The following PTPRK variants were observed in gnomAD, a reference collection of about 807,000 sequenced individuals.
The protein encoded by PTPRK is receptor-type tyrosine-protein phosphatase kappa.
A neutral mutation model predicts 178.0 loss-of-function variants in PTPRK; 75 were observed. That is an observed-to-expected ratio of 0.42 (90% CI 0.35 to 0.51). PTPRK has a LOEUF of 0.51. Ranked by LOEUF, PTPRK falls within the 20% of genes least tolerant of loss-of-function variation. The pLI is 0.02. For synonymous variants in PTPRK, 637 were observed against 620.6 expected (o/e 1.03, Z -0.39); for missense variants, 1,441 against 1,797.8 (o/e 0.80, Z 3.59).
chr6:128,313,057 T>G (rs1827473873), intron 3 of PTPRK, among the ~76,000 whole-genome samples: 1 of 152,176 alleles, frequency 6.6e-6, no homozygotes, highest in Non-Finnish European at 1.5e-5. Context: ...CAAGCCAATT[T>G]TCTTTTGACA....
intron 1 of PTPRK, among the ~76,000 whole-genome samples, chr6:128,402,583 T>G (rs1325634545): frequency 2.0e-5 from 3 of 152,166 alleles, no homozygotes; most frequent in African/African-American, 7.2e-5. Context: ...AAGTTCCTAT[T>G]TCCTCTGAAA....
chr6:128,171,428 T>G (rs1800234026), intron 7 of PTPRK, among the ~76,000 whole-genome samples: 1 of 151,996 alleles, frequency 6.6e-6, no homozygotes, highest in Admixed American at 6.6e-5. Flanking sequence ...ACTCTCTTTC[T>G]TACCTTTCAA....
chr6:128,076,007 TG>T (rs1395188665), intron 11 of PTPRK, among the ~76,000 whole-genome samples: 2 of 151,912 alleles, frequency 1.3e-5, no homozygotes, highest in African/African-American at 4.8e-5. Context: ...CTGGTTTATT[TG>T]GGAAGGTGAC....
At chr6:128,189,720 T>C (rs931464551) in intron 6 of PTPRK, among the ~76,000 whole-genome samples, 1 of 152,154 alleles carries the variant, frequency 6.6e-6, no homozygotes, top group Non-Finnish European at 1.5e-5. Context: ...GAAGTCAGTT[T>C]TACTCTGTTT....
intron 7 of PTPRK, among the ~76,000 whole-genome samples, chr6:128,108,606 A>G (rs1790123439): frequency 6.6e-6 from 1 of 152,194 alleles, no homozygotes; most frequent in Non-Finnish European, 1.5e-5. Flanking sequence ...ATGCAAAAAC[A>G]ATATTCTCTT....
At chr6:128,243,519 G>T (rs368214788) in intron 3 of PTPRK, among the ~76,000 whole-genome samples, 12 of 129,496 alleles carry the variant, frequency 9.3e-5, no homozygotes, top group Non-Finnish European at 1.4e-4. Context: ...AAAAAGAAAA[G>T]AAAAGAAAAG....
intron 1 of PTPRK, among the ~76,000 whole-genome samples, chr6:128,452,459 A>G (rs1310879264): frequency 2.0e-5 from 3 of 152,164 alleles, no homozygotes; most frequent in African/African-American, 7.2e-5. Context: ...ATATGGTAAA[A>G]TTATATACCT....
chr6:128,250,370 T>G (rs1035125020), intron 3 of PTPRK, among the ~76,000 whole-genome samples: 1 of 152,212 alleles, frequency 6.6e-6, no homozygotes, highest in African/African-American at 2.4e-5. Flanking sequence ...TGATGTTTAT[T>G]TCCTCTAGTA....
chr6:128,238,185 C>CAAAAAAA (rs58051125), intron 5 of PTPRK: 114 of 206,362 alleles, frequency 5.5e-4, no homozygotes, highest in South Asian at 7.1e-4. Flanking sequence ...TAGCAAACGC[C>CAAAAAAA]AAAAAAAAAA....
At chr6:128,365,271 G>A (rs1250961998) in intron 2 of PTPRK, among the ~76,000 whole-genome samples, 1 of 151,896 alleles carries the variant, frequency 6.6e-6, no homozygotes, top group Non-Finnish European at 1.5e-5. Context: ...AATTTTCCTA[G>A]CAATCTTATG....
chr6:128,367,670 C>T (rs912423704), intron 2 of PTPRK, among the ~76,000 whole-genome samples: 24 of 152,116 alleles, frequency 1.6e-4, no homozygotes, highest in Non-Finnish European at 2.6e-4. Context: ...AAGGCCAATA[C>T]TACAATAAAA....
chr6:128,092,405 G>A (rs1787138717), intron 7 of PTPRK, among the ~76,000 whole-genome samples: 1 of 152,040 alleles, frequency 6.6e-6, no homozygotes, highest in South Asian at 2.1e-4. Context: ...GTTTTGAGCT[G>A]CGTGGAATTA....
At chr6:128,008,666 CAATG>C (rs1468701703) in intron 14 of PTPRK, among the ~76,000 whole-genome samples, 2 of 150,954 alleles carry the variant, frequency 1.3e-5, no homozygotes, top group Non-Finnish European at 3.0e-5. Flanking sequence ...AATTTTTAGT[CAATG>C]AATATTTAAT....
Position 128,250,627 on chromosome 6 carries a change from A to G in PTPRK, c.496-8025T>C, listed in dbSNP as rs1186406495. ...ACACTTGTTTGAGAAAGTTCTAGATAATTTTCCCAAGCTATATTAGAAATC... is the reference window on the plus strand; with the variant it reads ...ACACTTGTTTGAGAAAGTTCTAGATGATTTTCCCAAGCTATATTAGAAATC... On this transcript the variant is annotated intron_variant, in intron 3 of 29. Coordinates refer to ENST00000368226, the MANE Select transcript of PTPRK (RefSeq NM_002844.4). Among the ~76,000 whole-genome samples the G allele has an allele frequency of 2.0e-5, 3 of 152,186 alleles. No individual in the cohort carries two copies. The East Asian group carries it at 5.8e-4, about 29-fold the overall frequency.
intron 1 of PTPRK, among the ~76,000 whole-genome samples, chr6:128,486,674 G>A (rs558251459): frequency 6.6e-6 from 1 of 151,970 alleles, no homozygotes; most frequent in Non-Finnish European, 1.5e-5. Flanking sequence ...ATGGAGGCAT[G>A]TGCCTGCAGC....
chr6:128,291,886 T>C (rs953671797), intron 3 of PTPRK, among the ~76,000 whole-genome samples: 2 of 152,150 alleles, frequency 1.3e-5, no homozygotes, highest in Non-Finnish European at 2.9e-5. Context: ...TTTTAACTAC[T>C]CTTGTTGTAG....
At chr6:128,302,238 C>A (rs2128312534) in intron 3 of PTPRK, among the ~76,000 whole-genome samples, 1 of 151,196 alleles carries the variant, frequency 6.6e-6, no homozygotes, top group Admixed American at 6.6e-5. Flanking sequence ...AATACAAAAA[C>A]AAAATTAGCT....
intron 5 of PTPRK, among the ~76,000 whole-genome samples, chr6:128,228,342 C>T (rs1030281243): frequency 6.6e-6 from 1 of 151,774 alleles, no homozygotes; most frequent in Non-Finnish European, 1.5e-5. Context: ...TAAAGTACTA[C>T]AAATCATAGT....
rs534138073 is a variant in PTPRK at position 128,022,331 on chromosome 6, G to A, written c.2195-13063C>T. The stretch of plus-strand genomic sequence containing the variant: ...TTGGTAGCGGGGCTGGAAGGTCGGG[G>A]GACAGAGGGGTGCTTGTTTTGTCTT... On this transcript the variant is annotated intron_variant, in intron 13 of 29. Coordinates refer to ENST00000368226, the MANE Select transcript of PTPRK (RefSeq NM_002844.4). Among the ~76,000 whole-genome samples the A allele has an allele frequency of 1.3e-4, 20 of 152,198 alleles. No individual in the cohort carries two copies. The South Asian group carries it at 1.5e-3, about 11-fold the overall frequency.
Sources: gnomAD v4.1 joint callset for allele counts (sites outside exome capture counted in the v4.1 genomes callset) on GRCh38, gnomAD v4.1.1 for gene constraint, MANE v1.5 for transcripts, NCBI Gene and HGNC (gene_info 2026-07-23, HGNC 2026-07-21) for gene names.